The following CFAP251 variants were observed in gnomAD, a reference collection of about 807,000 sequenced individuals.
CFAP251 encodes the protein cilia and flagella associated protein 251, also known as cilia- and flagella-associated protein 251.
CFAP251 carries 93 observed loss-of-function variants against 126.7 expected under a neutral mutation model. That is an observed-to-expected ratio of 0.73 (90% CI 0.62 to 0.87). The LOEUF is 0.87. CFAP251 is among the 40% of genes least tolerant of loss of function. CFAP251 has a pLI of 0.00. For synonymous variants in CFAP251, 503 were observed against 506.9 expected, an observed-to-expected ratio of 0.99 and a Z score of 0.10; for missense variants, 1,287 against 1,389.2, an observed-to-expected ratio of 0.93 and a Z score of 1.17.
At chr12:121,936,332 A>C (rs1880894589) in intron 5 of CFAP251, among the ~76,000 whole-genome samples, 1 of 152,192 alleles carries the variant, frequency 6.6e-6, no homozygotes, top group African/African-American at 2.4e-5. Flanking sequence ...CTGTAGTCCC[A>C]GCTACGCGGG....
At chr12:121,995,473 G>A (rs963991151) in intron 19 of CFAP251, among the ~76,000 whole-genome samples, 2 of 151,672 alleles carry the variant, frequency 1.3e-5, no homozygotes, top group African/African-American at 4.8e-5. Flanking sequence ...ATTTGTATCT[G>A]TAACCAATAA....
intron 19 of CFAP251, among the ~76,000 whole-genome samples, chr12:121,977,770 A>G (rs1390757190): frequency 5.3e-5 from 8 of 150,464 alleles, no homozygotes; most frequent in Non-Finnish European, 8.9e-5. Flanking sequence ...CCTGGCTAAC[A>G]CGGTGAAACC....
chr12:121,993,659 A>G (rs1882937394), intron 19 of CFAP251, among the ~76,000 whole-genome samples: 1 of 127,004 alleles, frequency 7.9e-6, no homozygotes, highest in African/African-American at 3.1e-5. Context: ...CCCGGCCGAG[A>G]CCCCGTCTGG....
Position 121,957,127 on chromosome 12 carries a change from T to C in CFAP251, c.1589T>C (p.Leu530Pro). 6.2e-7 allele frequency: 1 copy of C among 1,613,662 alleles called. No homozygotes were observed. Reference protein sequence around the residue: ...KGNIKFYDHTLSIVNWYSHLK... With the variant: ...KGNIKFYDHTPSIVNWYSHLK... ...AACATTAAGTTCTATGATCACACCC[T>C]GTCTATTGTTAACTGGTACAGTCAC... The change falls in exon 11 of 22, where the codon CTG (leucine) becomes CCG (proline). Residue 530 changes from leucine (L) to proline (P), a missense_variant. Coordinates refer to ENST00000288912, the MANE Select transcript of CFAP251 (RefSeq NM_144668.6).
chr12:121,960,700 G>A lies in CFAP251; in HGVS notation c.2249G>A (p.Gly750Glu). Residue 750 changes from glycine to glutamate, a missense_variant, in exon 14 of 22, where the codon GGG (glycine) becomes GAG (glutamate). By Grantham distance (98) the Gly-to-Glu change is moderately conservative. Coordinates refer to ENST00000288912, the MANE Select transcript of CFAP251 (RefSeq NM_144668.6). The stretch of plus-strand genomic sequence containing the variant: ...AAAAGCATTCGAAGTCTCCTGTTTG[G>A]GGTTTACCTGGACAGCAATGAGCCT... Reference protein sequence around the residue: ...HRKSIRSLLFGVYLDSNEPRL... With the variant: ...HRKSIRSLLFEVYLDSNEPRL... 4 of 1,613,970 alleles carry A rather than the reference G, an allele frequency of 2.5e-6. No individual in the cohort carries two copies. The highest frequency in any genetic ancestry group is 3.4e-6 in the Non-Finnish European group (4 of 1,179,940).
chr12:121,955,714 T>G (rs1161186194), intron 10 of CFAP251: 1 of 152,240 alleles, frequency 6.6e-6, no homozygotes, highest in African/African-American at 2.4e-5. Context: ...CAATGAGGTC[T>G]TGACATGGTT....
Position 121,999,781 on chromosome 12 carries a change from G to A in CFAP251, c.3072G>A (p.Lys1024=), listed in dbSNP as rs1246999870. The stretch of plus-strand genomic sequence containing the variant: ...TGGACACTGGAAAGCTAATCGACAA[G>A]ATCAACTTACCAGATTTCCTAAAAG... ...EYVDTGKLID[K]INLPDFLKVY... is the part of the protein sequence containing the mutation. Residue 1024 remains lysine, a synonymous_variant, in exon 20 of 22, where the codon AAG becomes AAA. Coordinates refer to ENST00000288912, the MANE Select transcript of CFAP251 (RefSeq NM_144668.6). 6 of 1,613,688 alleles carry A rather than the reference G, an allele frequency of 3.7e-6. No homozygotes were observed. In the African/African-American group the frequency reaches 8.0e-5, roughly 22 times the overall value.
intron 5 of CFAP251, among the ~76,000 whole-genome samples, chr12:121,941,197 A>AT (rs1481115877): frequency 6.6e-6 from 1 of 151,232 alleles, no homozygotes; most frequent in South Asian, 2.1e-4. Context: ...CACCTGGCTA[A>AT]TTTTTTGTAT....
intron 7 of CFAP251, among the ~76,000 whole-genome samples, chr12:121,947,294 T>A (rs564628824): frequency 6.6e-6 from 1 of 152,296 alleles, no homozygotes; most frequent in Admixed American, 6.5e-5. Flanking sequence ...TCCATTTGAT[T>A]CTTTTTTAAG....
chr12:121,957,475 C>T (rs901510991), intron 11 of CFAP251, among the ~76,000 whole-genome samples: 5 of 152,000 alleles, frequency 3.3e-5, no homozygotes, highest in African/African-American at 7.2e-5. Context: ...GAGGCCAAGG[C>T]GGGTGGATCA....
At chr12:121,952,673 C>T (rs992989159) in intron 9 of CFAP251, 3 of 152,124 alleles carry the variant, frequency 2.0e-5, no homozygotes, top group Non-Finnish European at 4.4e-5. Context: ...GTAACCTGCT[C>T]TCAGGGAGCA....
At chr12:121,926,506 T>G (rs888796283) in intron 3 of CFAP251, among the ~76,000 whole-genome samples, 1 of 151,974 alleles carries the variant, frequency 6.6e-6, no homozygotes, top group African/African-American at 2.4e-5. Flanking sequence ...TTAAAAATCT[T>G]TTTTAGAGAT....
chr12:121,989,083 G>A lies in CFAP251; in HGVS notation c.3007-10633G>A, dbSNP rs1214617513. On this transcript the variant is annotated intron_variant, in intron 19 of 21. Transcript: ENST00000288912. The surrounding 1 kb of genome is among the most constrained non-coding windows in gnomAD (Gnocchi z 4.2). Reference sequence around the variant, plus strand: ...TAGGAACCATCTGGGGCTTTAGGGTGCATGAGGCAGGATCAGGATTTTAGA... The same window carrying A: ...TAGGAACCATCTGGGGCTTTAGGGTACATGAGGCAGGATCAGGATTTTAGA... Among the ~76,000 whole-genome samples, 2 of 152,152 alleles carry A rather than the reference G, an allele frequency of 1.3e-5. No homozygotes were observed. Among genetic ancestry groups the A allele is most frequent in the Non-Finnish European group, 2.9e-5 (2 of 68,036 alleles).
chr12:121,921,792 C>CA, intron 2 of CFAP251, 109 bp downstream of exon 2: 2 of 796,276 alleles, frequency 2.5e-6, no homozygotes, highest in Non-Finnish European at 3.5e-6. Flanking sequence ...CAATCCATTC[C>CA]TTTTTTTTTT....
chr12:122,001,599 G>T lies in CFAP251; in HGVS notation c.3337+1G>T. Reference sequence around the variant, plus strand: ...GAGCCTGCAACCTGCTCCGTCAAAGGTACCCCAGCTGGCTTTGTCTGGGCA... The same window carrying T: ...GAGCCTGCAACCTGCTCCGTCAAAGTTACCCCAGCTGGCTTTGTCTGGGCA... On this transcript the variant is annotated splice_donor_variant, in intron 21 of 21. Transcript: ENST00000288912. LOFTEE classifies it high-confidence loss of function. 6.2e-7 allele frequency: 1 copy of T among 1,613,500 alleles called. No homozygotes were observed. The highest frequency in any genetic ancestry group is 8.5e-7 in the Non-Finnish European group (1 of 1,179,516).
chr12:121,941,941 G>A (rs780628979), intron 5 of CFAP251, among the ~76,000 whole-genome samples: 1 of 152,128 alleles, frequency 6.6e-6, no homozygotes, highest in Non-Finnish European at 1.5e-5. Flanking sequence ...GAGCTGGGAC[G>A]TTGTCCTAGT....
rs561514860 is a variant in CFAP251, at chr12:121,929,924, C to T, written c.748-1822C>T. ...AACTCCTGACCTGAGATGATCCACCCGCCTCGGCCTCCCAAAGTGTTGGGA... is the reference window on the plus strand; with the variant it reads ...AACTCCTGACCTGAGATGATCCACCTGCCTCGGCCTCCCAAAGTGTTGGGA... On this transcript the variant is annotated intron_variant, in intron 3 of 21. Coordinates refer to ENST00000288912, the MANE Select transcript of CFAP251 (RefSeq NM_144668.6). 3.3e-5 allele frequency among the ~76,000 whole-genome samples: 5 copies of T among 152,240 alleles called. No individual in the cohort carries two copies. The East Asian group carries it at 5.8e-4, about 18-fold the overall frequency.
intron 5 of CFAP251, among the ~76,000 whole-genome samples, chr12:121,942,176 T>C (rs568296178): frequency 2.0e-5 from 3 of 152,180 alleles, no homozygotes; most frequent in African/African-American, 7.2e-5. Flanking sequence ...TACACTCTTA[T>C]GCAACCATCA....
chr12:122,002,898 CCCCACATCAAATT>C (rs1040749718), intron 21 of CFAP251, among the ~76,000 whole-genome samples: 2 of 152,112 alleles, frequency 1.3e-5, no homozygotes, highest in African/African-American at 4.8e-5. Context: ...ATTGTCCATT[CCCCACATCAAATT>C]AAACAAAGTC....
Sources: gnomAD v4.1 joint callset for allele counts (sites outside exome capture counted in the v4.1 genomes callset) on GRCh38, gnomAD v4.1.1 for gene constraint, Gnocchi (gnomAD v3.1) non-coding constraint, MANE v1.5 for transcripts, NCBI Gene and HGNC (gene_info 2026-07-23, HGNC 2026-07-21) for gene names.